Variants in TBC1D1 observed in about 807,000 individuals in gnomAD.
TBC1D1 encodes the protein TBC1 domain family member 1, also known as TBC1 (tre-2/USP6, BUB2, cdc16) domain family, member 1.
In TBC1D1, 89 loss-of-function variants were observed where a neutral mutation model predicts 125.6. The observed-to-expected ratio is 0.71, with a 90% CI of 0.60 to 0.85. The LOEUF is 0.85. Ranked by LOEUF, TBC1D1 falls within the 40% of genes least tolerant of loss-of-function variation. The pLI, the probability that TBC1D1 is intolerant of heterozygous loss-of-function variation, is 0.00. For missense variants in TBC1D1, 1,377 were observed against 1,469.2 expected (o/e 0.94, Z 1.03); for synonymous variants, 565 against 564.1 (o/e 1.00, Z -0.02).
Position 37,974,913 on chromosome 4 carries a change from G to C in TBC1D1, c.418-39596G>C, listed in dbSNP as rs111354361. On this transcript the variant is annotated intron_variant, in intron 2 of 19. Coordinates refer to ENST00000261439, the MANE Select transcript of TBC1D1 (RefSeq NM_015173.4). ...CTATGCACCAGATAAAACCACAAGGGTGGAAAAAAGATGAAACCCTATCAT... is the reference window on the plus strand; with the variant it reads ...CTATGCACCAGATAAAACCACAAGGCTGGAAAAAAGATGAAACCCTATCAT... Among the ~76,000 whole-genome samples the C allele has an allele frequency of 5.1e-3, 771 of 152,302 alleles. 6 individuals are homozygous for C. The highest frequency in any genetic ancestry group is 0.018 in the African/African-American group (732 of 41,562).
At chr4:38,060,208 CAG>C (rs1191138678) in intron 12 of TBC1D1, among the ~76,000 whole-genome samples, 2 of 152,134 alleles carry the variant, frequency 1.3e-5, no homozygotes, top group Non-Finnish European at 2.9e-5. Flanking sequence ...ATCTTTGTAA[CAG>C]AGTGGTTTAT....
chr4:37,911,775 G>T (rs1417275812), intron 2 of TBC1D1, among the ~76,000 whole-genome samples: 1 of 152,168 alleles, frequency 6.6e-6, no homozygotes, highest in African/African-American at 2.4e-5. Flanking sequence ...TGTTTTATGT[G>T]CCAAATGTAA....
chr4:38,057,336 C>G (rs1307766053), intron 12 of TBC1D1, among the ~76,000 whole-genome samples: 1 of 152,226 alleles, frequency 6.6e-6, no homozygotes, highest in African/African-American at 2.4e-5. Context: ...CCCTCCCTCC[C>G]CTTCCCTTGT....
chr4:37,912,944 G>A (rs1718928025), intron 2 of TBC1D1, among the ~76,000 whole-genome samples: 1 of 152,232 alleles, frequency 6.6e-6, no homozygotes, highest in South Asian at 2.1e-4. Flanking sequence ...TCAGGGAAGT[G>A]AAATGGATTA....
At chr4:37,918,097 G>A (rs1217350937) in intron 2 of TBC1D1, among the ~76,000 whole-genome samples, 1 of 152,062 alleles carries the variant, frequency 6.6e-6, no homozygotes, top group Non-Finnish European at 1.5e-5. Context: ...AAAAACAACT[G>A]GAAGCAAATT....
intron 8 of TBC1D1, among the ~76,000 whole-genome samples, chr4:38,041,125 C>G (rs1748279831): frequency 6.6e-6 from 1 of 152,108 alleles, no homozygotes; most frequent in African/African-American, 2.4e-5. Flanking sequence ...TTATGAGAAT[C>G]CATTCTTTCT....
chr4:38,016,859 G>A (rs11946822), intron 3 of TBC1D1, among the ~76,000 whole-genome samples: 4,525 of 152,278 alleles, frequency 0.03, 207 homozygotes, highest in African/African-American at 0.1. Context: ...GTCACTGCAT[G>A]CTATAAAACA....
At chr4:38,025,444 C>T (rs1174223099) in intron 6 of TBC1D1, among the ~76,000 whole-genome samples, 3 of 152,262 alleles carry the variant, frequency 2.0e-5, no homozygotes, top group Non-Finnish European at 2.9e-5. Flanking sequence ...CTAGGCGGGC[C>T]GGCTATTTAG....
chr4:38,128,894 G>GA (rs1765104235), intron 18 of TBC1D1, among the ~76,000 whole-genome samples: 5 of 152,246 alleles, frequency 3.3e-5, no homozygotes, highest in Admixed American at 3.3e-4. Context: ...TCTTGTCACA[G>GA]TGGGTGCTCT....
At chr4:38,048,615 G>A (rs1749913857) in intron 10 of TBC1D1, among the ~76,000 whole-genome samples, 1 of 85,810 alleles carries the variant, frequency 1.2e-5, no homozygotes, top group Non-Finnish European at 2.2e-5. Flanking sequence ...AAATGAACAG[G>A]TAGAATTCAG....
intron 2 of TBC1D1, among the ~76,000 whole-genome samples, chr4:37,925,692 A>AAAG (rs1721951764): frequency 6.6e-6 from 1 of 151,588 alleles, no homozygotes. Context: ...AAAAAAAAAA[A>AAAG]AAAAAGAGAG....
intron 3 of TBC1D1, among the ~76,000 whole-genome samples, chr4:38,015,464 CTT>C (rs545314565): frequency 2.8e-5 from 4 of 141,526 alleles, no homozygotes; most frequent in Admixed American, 7.0e-5. Flanking sequence ...GGCTTGCTTG[CTT>C]TTTTTTTTTT....
In TBC1D1 at chr4:37,984,675, C is replaced by G. The variant is rs929998092; in HGVS notation, c.418-29834C>G. On this transcript the variant is annotated intron_variant, in intron 2 of 19. Coordinates refer to ENST00000261439, the MANE Select transcript of TBC1D1 (RefSeq NM_015173.4). ...CCTGGCCAACATGGCAAAACCCTAT[C>G]TCTAGAAAAATACAAAAATTAGCTG... Among the ~76,000 whole-genome samples the G allele has an allele frequency of 3.3e-5, 5 of 151,790 alleles. No individual in the cohort carries two copies. The South Asian group carries it at 8.3e-4, about 25-fold the overall frequency.
chr4:37,937,134 C>T (rs1577943492), intron 2 of TBC1D1, among the ~76,000 whole-genome samples: 1 of 152,340 alleles, frequency 6.6e-6, no homozygotes, highest in African/African-American at 2.4e-5. Flanking sequence ...GGCACTGTCA[C>T]CACTGCCCTC....
At chr4:37,933,200 CAT>C (rs1367929560) in intron 2 of TBC1D1, among the ~76,000 whole-genome samples, 1 of 152,046 alleles carries the variant, frequency 6.6e-6, no homozygotes, top group East Asian at 1.9e-4. Context: ...CACCCATATG[CAT>C]ATATACTCAC....
Position 38,027,835 on chromosome 4 carries a change from A to G in TBC1D1, c.1258A>G (p.Thr420Ala). The change falls in exon 7 of 20, where the codon ACA (threonine) becomes GCA (alanine). Residue 420 changes from threonine (T) to alanine (A), a missense_variant. Around this residue, in one of 3 missense-constraint regions of TBC1D1, gnomAD observed 822 missense variants for 824.6 expected, o/e 1.00. Coordinates refer to ENST00000261439, the MANE Select transcript of TBC1D1 (RefSeq NM_015173.4). ...ACTAGAACTGCAAAAGCACCTGACGACATTAACCAATCAGGAGCAGGCGAC... is the reference window on the plus strand; with the variant it reads ...ACTAGAACTGCAAAAGCACCTGACGGCATTAACCAATCAGGAGCAGGCGAC... The G allele has an allele frequency of 3.1e-6, 5 of 1,613,816 alleles. No individual in the cohort carries two copies. The East Asian group carries it at 8.9e-5, about 29-fold the overall frequency.
At chr4:38,011,106 C>T (rs1741382232) in intron 2 of TBC1D1, among the ~76,000 whole-genome samples, 1 of 152,194 alleles carries the variant, frequency 6.6e-6, no homozygotes, top group African/African-American at 2.4e-5. Context: ...AATCCCACCA[C>T]TTTGGGAGGC....
chr4:37,921,346 CAT>C (rs1450459490), intron 2 of TBC1D1, among the ~76,000 whole-genome samples: 1 of 149,370 alleles, frequency 6.7e-6, no homozygotes, highest in Non-Finnish European at 1.5e-5. Flanking sequence ...GAAAAAAAAA[CAT>C]AAACATATAT....
chr4:38,048,509 G>A (rs1248274863), intron 10 of TBC1D1, among the ~76,000 whole-genome samples: 1 of 148,306 alleles, frequency 6.7e-6, no homozygotes, highest in Non-Finnish European at 1.5e-5. Flanking sequence ...ACAATTAAAT[G>A]TATGTAACTT....
Sources: gnomAD v4.1 joint callset for allele counts (sites outside exome capture counted in the v4.1 genomes callset) on GRCh38, gnomAD v4.1.1 for gene constraint, gnomAD v4.1.1 regional missense constraint, MANE v1.5 for transcripts, NCBI Gene and HGNC (gene_info 2026-07-23, HGNC 2026-07-21) for gene names.